NOTCH1: variants seen among roughly 807,000 people sequenced by gnomAD.
The protein encoded by NOTCH1 is notch receptor 1.
NOTCH1 carries 37 observed loss-of-function variants against 254.8 expected under a neutral mutation model. The observed-to-expected ratio is 0.15, with a 90% CI of 0.11 to 0.19. NOTCH1 has a LOEUF of 0.19. NOTCH1 is among the 10% of genes least tolerant of loss of function. The probability of loss-of-function intolerance (pLI) is 1.00; values close to 1 mark genes in which losing one functional copy is unlikely to be tolerated. For synonymous variants in NOTCH1, 1,731 were observed against 1,618.1 expected (o/e 1.07, Z -1.68); for missense variants, 2,972 against 3,708.6 (o/e 0.80, Z 5.16).
At chr9:136,541,449 C>G (rs1036051972) in intron 2 of NOTCH1, among the ~76,000 whole-genome samples, 1 of 152,168 alleles carries the variant, frequency 6.6e-6, no homozygotes, top group African/African-American at 2.4e-5. Context: ...AAGCTCTTTC[C>G]GGGGTCACAG....
At position 136,523,161 on chromosome 9, in the gene NOTCH1, C is replaced by A; in HGVS notation, c.431G>T (p.Cys144Phe). The change falls in exon 4 of 34, where the codon TGC becomes TTC. Residue 144 changes from cysteine (C) to phenylalanine (F), a missense_variant. By Grantham distance (205) the Cys-to-Phe change is radical. Coordinates refer to ENST00000651671, the MANE Select transcript of NOTCH1 (RefSeq NM_017617.5). ...SGKSCQQADP[C>F]ASNPCANGGQ... Reference sequence around the variant, plus strand: ...ACCGTTGGCGCAGGGGTTGGAGGCGCACGGGTCAGCCTGCTGGCACGATTT... The same window carrying A: ...ACCGTTGGCGCAGGGGTTGGAGGCGAACGGGTCAGCCTGCTGGCACGATTT... 6.2e-7 allele frequency: 1 copy of A among 1,604,704 alleles called. No homozygotes were observed. The highest frequency in any genetic ancestry group is 2.2e-5 in the East Asian group (1 of 44,562).
chr9:136,496,063 C>T lies in NOTCH1; in HGVS notation c.*8G>A, dbSNP rs778671993. The stretch of plus-strand genomic sequence containing the variant: ...GAAAGGAAGCCGGGGTCTCGTGGGG[C>T]GCGCCGTTTACTTGAAGGCCTCCGG... On this transcript the variant is annotated 3_prime_UTR_variant, in exon 34 of 34. Transcript: ENST00000651671. 74 of 1,594,678 alleles carry T rather than the reference C, an allele frequency of 4.6e-5. No homozygotes were observed. Among genetic ancestry groups the T allele is most frequent in the South Asian group, 2.8e-4 (25 of 88,808 alleles).
rs559253584 is a variant in NOTCH1 at position 136,503,068 on chromosome 9, G to A, written c.5167+114C>T. The A allele has an allele frequency of 2.3e-4, 337 of 1,469,978 alleles. No homozygotes were observed. The highest frequency in any genetic ancestry group is 1.2e-3 in the Admixed American group (69 of 58,630). 91.1% of individuals were successfully genotyped at this position (1,469,978 alleles called of 1,614,324 possible). On this transcript the variant is annotated intron_variant, in intron 27 of 33. Coordinates refer to ENST00000651671, the MANE Select transcript of NOTCH1 (RefSeq NM_017617.5). ...AGAAAAGCCCTACCCCAACTCGGAC[G>A]GCAACGCTCACACCCGTGGGTAGCA...
chr9:136,508,934 C>G lies in NOTCH1; in HGVS notation c.3107G>C (p.Cys1036Ser), dbSNP rs946129930. Reference sequence around the variant, plus strand: ...CCTGTAGGAGCCGCAGCCGTCCTGACAGGTGCCGCCATGCAGGCAGGGCTG... The same window carrying G: ...CCTGTAGGAGCCGCAGCCGTCCTGAGAGGTGCCGCCATGCAGGCAGGGCTG... ...DSQPCLHGGT[C>S]QDGCGSYRCT... The change falls in exon 19 of 34, where the codon TGT becomes TCT. Residue 1036 changes from cysteine (C) to serine (S), a missense_variant. Around this residue, in one of 8 missense-constraint regions of NOTCH1, gnomAD observed 1,343 missense variants for 1,557.0 expected, o/e 0.86. Transcript: ENST00000651671. The G allele has an allele frequency of 6.5e-7, 1 of 1,550,000 alleles. No homozygotes were observed. The highest frequency in any genetic ancestry group is 8.7e-7 in the Non-Finnish European group (1 of 1,147,464).
Position 136,499,230 on chromosome 9 carries a change from C to G in NOTCH1, c.5964G>C (p.Leu1988=), listed in dbSNP as rs967233612. 9 of 1,613,170 alleles carry G rather than the reference C, an allele frequency of 5.6e-6. No homozygotes were observed. The African/African-American group carries it at 1.2e-4, about 22-fold the overall frequency. Residue 1988 remains leucine, a synonymous_variant, in exon 32 of 34, where the codon CTG becomes CTC. Transcript: ENST00000651671. The part of the protein sequence containing the change: ...QILIRNRATD[L]DARMHDGTTP... ...TCGTGCCATCATGCATGCGGGCATC[C>G]AGGTCTGTGGCTCGGTTCCGGATCA...
chr9:136,518,895 G>T, intron 5 of NOTCH1, 71 bp from the exon 6 acceptor site: 2 of 1,396,484 alleles, frequency 1.4e-6, no homozygotes, highest in Non-Finnish European at 2.0e-6. Flanking sequence ...TAAGACGCAG[G>T]GTGGCAATGC....
At chr9:136,511,779 T>C (rs11574892) in intron 15 of NOTCH1, among the ~76,000 whole-genome samples, 3 of 152,190 alleles carry the variant, frequency 2.0e-5, no homozygotes, top group African/African-American at 7.2e-5. Context: ...AGGGCTGCGA[T>C]GGAGGGGACA....
chr9:136,527,849 G>A (rs887754726), intron 2 of NOTCH1, among the ~76,000 whole-genome samples: 1 of 152,124 alleles, frequency 6.6e-6, no homozygotes, highest in South Asian at 2.1e-4. Context: ...CGGGGGGAGG[G>A]TGCCAAGTGG....
chr9:136,544,454 C>G (rs1197255035), intron 1 of NOTCH1, among the ~76,000 whole-genome samples: 1 of 152,186 alleles, frequency 6.6e-6, no homozygotes, highest in African/African-American at 2.4e-5. Flanking sequence ...AAGCGTTGCC[C>G]CCCACCCTGG....
Position 136,519,498 on chromosome 9 carries a change from A to G in NOTCH1, c.810T>C (p.Gly270=), listed in dbSNP as rs1243641662. 6.2e-7 allele frequency: 1 copy of G among 1,612,910 alleles called. No homozygotes were observed. Among genetic ancestry groups the G allele is most frequent in the Non-Finnish European group, 8.5e-7 (1 of 1,179,936 alleles). Reference sequence around the variant, plus strand: ...AGGTGTTCACGCCGTCCACACAGGCACCCCCGTTCTTGCAGTTGTTTCCTG... The same window carrying G: ...AGGTGTTCACGCCGTCCACACAGGCGCCCCCGTTCTTGCAGTTGTTTCCTG... ...DCPGNNCKNG[G]ACVDGVNTYN... Residue 270 remains glycine (G), a synonymous_variant, in exon 5 of 34, where the codon GGT becomes GGC. Coordinates refer to ENST00000651671, the MANE Select transcript of NOTCH1 (RefSeq NM_017617.5).
At position 136,515,598 on chromosome 9, in the gene NOTCH1, C is replaced by G. The variant is rs925293836; in HGVS notation, c.1788G>C (p.Thr596=). The part of the protein sequence containing the change: ...TFTCLCRPGY[T]GHHCETNINE... Reference sequence around the variant, plus strand: ...TGATGTTGGTCTCGCAGTGGTGGCCCGTGTAGCCTGGGCGGCAGAGGCAGG... The same window carrying G: ...TGATGTTGGTCTCGCAGTGGTGGCCGGTGTAGCCTGGGCGGCAGAGGCAGG... Residue 596 remains threonine, a synonymous_variant, in exon 11 of 34, where the codon ACG becomes ACC. Transcript: ENST00000651671. The G allele has an allele frequency of 4.3e-6, 7 of 1,609,960 alleles. No individual in the cohort carries two copies. The highest frequency in any genetic ancestry group is 5.1e-6 in the Non-Finnish European group (6 of 1,179,598).
chr9:136,502,230 C>T (rs2133330596), intron 28 of NOTCH1, 42 bp downstream of exon 28: 1 of 1,596,134 alleles, frequency 6.3e-7, no homozygotes, highest in Non-Finnish European at 8.6e-7. Flanking sequence ...CCAGGTCCCA[C>T]CTCCCACCGG....
At chr9:136,531,573 G>A (rs576548044) in intron 2 of NOTCH1, among the ~76,000 whole-genome samples, 1 of 152,186 alleles carries the variant, frequency 6.6e-6, no homozygotes, top group African/African-American at 2.4e-5. Flanking sequence ...GGTGGTGGGG[G>A]CAGAGCCCTG....
At position 136,545,639 on chromosome 9, in the gene NOTCH1, T is replaced by A; in HGVS notation, c.61+87A>T. Reference sequence around the variant, plus strand: ...CCATGCTGGCCTCCCCGCCGCCCGCTCCCAGCCGTGGGGCGCGCGCGCCGG... The same window carrying A: ...CCATGCTGGCCTCCCCGCCGCCCGCACCCAGCCGTGGGGCGCGCGCGCCGG... On this transcript the variant is annotated intron_variant, in intron 1 of 33. Coordinates refer to ENST00000651671, the MANE Select transcript of NOTCH1 (RefSeq NM_017617.5). This position sits in a 1 kb window ranked among gnomAD's most constrained non-coding sequence, Gnocchi z 6.8. 1 of 1,112,712 alleles carries A rather than the reference T, an allele frequency of 9.0e-7. No homozygotes were observed. The highest frequency in any genetic ancestry group is 1.2e-6 in the Non-Finnish European group (1 of 827,102). 68.9% of individuals were successfully genotyped at this position (1,112,712 alleles called of 1,614,324 possible).
At position 136,523,168 on chromosome 9, in the gene NOTCH1, C is replaced by T; in HGVS notation, c.424G>A (p.Asp142Asn). 6.2e-7 allele frequency: 1 copy of T among 1,603,894 alleles called. No individual in the cohort carries two copies. Among genetic ancestry groups the T allele is most frequent in the Non-Finnish European group, 8.5e-7 (1 of 1,176,360 alleles). The change falls in exon 4 of 34, where the codon GAC (aspartate) becomes AAC (asparagine). Residue 142 changes from aspartate to asparagine, a missense_variant. Transcript: ENST00000651671. ...GWSGKSCQQA[D>N]PCASNPCANG... ...GCGCAGGGGTTGGAGGCGCACGGGT[C>T]AGCCTGCTGGCACGATTTCCCTGGA...
rs1842916291 is a variant in NOTCH1 at position 136,496,471 on chromosome 9, G to A, written c.7268C>T (p.Ser2423Leu). ...PPPQPHLGVSSAASGHLGRSF... is the reference protein window; with the variant it reads ...PPPQPHLGVSLAASGHLGRSF... ...CCGGCCCAGGTGGCCGCTGGCTGCT[G>A]AGCTCACGCCAAGGTGCGGCTGTGG... Residue 2423 changes from serine (S) to leucine (L), a missense_variant, in exon 34 of 34, where the codon TCA becomes TTA. Around this residue, in one of 8 missense-constraint regions of NOTCH1, gnomAD observed 529 missense variants for 529.2 expected, o/e 1.00. Transcript: ENST00000651671. 1 of 1,601,128 alleles carries A rather than the reference G, an allele frequency of 6.2e-7. No individual in the cohort carries two copies. Among genetic ancestry groups the A allele is most frequent in the Non-Finnish European group, 8.5e-7 (1 of 1,179,900 alleles).
In NOTCH1 at chr9:136,502,467, G is replaced by A. The variant is rs375897519; in HGVS notation, c.5189C>T (p.Pro1730Leu). 412 of 1,583,138 alleles carry A rather than the reference G, an allele frequency of 2.6e-4. 1 individual carries two copies. The highest frequency in any genetic ancestry group is 3.1e-4 in the Non-Finnish European group (360 of 1,166,542). ...GTACATGAAGTGCAGCTGCGCCGGCGGGGGCGGCTCCACGGTCTCACCTGC... is the reference window on the plus strand; with the variant it reads ...GTACATGAAGTGCAGCTGCGCCGGCAGGGGCGGCTCCACGGTCTCACCTGC... ...AVQSETVEPP[P>L]PAQLHFMYVA... The change falls in exon 28 of 34, where the codon CCG becomes CTG. Residue 1730 changes from proline (P) to leucine (L), a missense_variant. Around this residue, in one of 8 missense-constraint regions of NOTCH1, gnomAD observed 421 missense variants for 604.4 expected, o/e 0.70. Coordinates refer to ENST00000651671, the MANE Select transcript of NOTCH1 (RefSeq NM_017617.5).
At chr9:136,544,199 G>C in intron 1 of NOTCH1, 97 bp from the exon 2 acceptor site, 1 of 1,166,210 alleles carries the variant, frequency 8.6e-7, no homozygotes, top group East Asian at 2.6e-5. Context: ...CCCAGCCAAG[G>C]GGCATCGTCC....
At chr9:136,508,746 C>G (rs1183188883) in intron 19 of NOTCH1, 124 bp downstream of exon 19, 1 of 955,310 alleles carries the variant, frequency 1.0e-6, no homozygotes. Context: ...AAACCCTCTG[C>G]CCGGGGGTGT....
Sources: gnomAD v4.1 joint callset for allele counts (sites outside exome capture counted in the v4.1 genomes callset) on GRCh38, gnomAD v4.1.1 for gene constraint, gnomAD v4.1.1 regional missense constraint, Gnocchi (gnomAD v3.1) non-coding constraint, MANE v1.5 for transcripts, NCBI Gene and HGNC (gene_info 2026-07-23, HGNC 2026-07-21) for gene names.